The following CCDC91 variants were observed in gnomAD, a reference collection of about 807,000 sequenced individuals.
The protein encoded by CCDC91 is coiled-coil domain containing 91, also known as coiled-coil domain-containing protein 91.
CCDC91 carries 48 observed loss-of-function variants against 63.2 expected under a neutral mutation model. That is an observed-to-expected ratio of 0.76 (90% CI 0.60 to 0.97). The LOEUF (loss-of-function observed/expected upper bound fraction) is 0.97. Among genes scored for constraint, CCDC91 ranks in the 50% least tolerant of loss-of-function variants. CCDC91 has a pLI of 0.00. For missense variants in CCDC91, 500 were observed against 494.6 expected, an observed-to-expected ratio of 1.01 and a Z score of -0.10; for synonymous variants, 167 against 165.8, an observed-to-expected ratio of 1.01 and a Z score of -0.06.
intron 1 of CCDC91, among the ~76,000 whole-genome samples, chr12:28,219,308 T>C (rs1328938526): frequency 6.6e-6 from 1 of 152,152 alleles, no homozygotes; most frequent in East Asian, 1.9e-4. Context: ...TATTTATATG[T>C]AAGCTTTCTT....
At chr12:28,312,350 A>G (rs747853336) in intron 6 of CCDC91, among the ~76,000 whole-genome samples, 2 of 151,988 alleles carry the variant, frequency 1.3e-5, no homozygotes, top group Non-Finnish European at 2.9e-5. Context: ...GTGCATATTT[A>G]TGTGTATGTG....
chr12:28,413,848 A>T (rs1287922298), intron 8 of CCDC91, among the ~76,000 whole-genome samples: 1 of 152,244 alleles, frequency 6.6e-6, no homozygotes, highest in Non-Finnish European at 1.5e-5. Context: ...CCTGGACAGT[A>T]AACAAGGTTC....
At chr12:28,502,828 G>A (rs1365821203) in intron 12 of CCDC91, among the ~76,000 whole-genome samples, 1 of 146,148 alleles carries the variant, frequency 6.8e-6, no homozygotes, top group Non-Finnish European at 1.5e-5. Context: ...AACAAGCAAT[G>A]GGGAAAGGAT....
At chr12:28,523,735 G>A (rs1940977037) in intron 12 of CCDC91, among the ~76,000 whole-genome samples, 2 of 152,070 alleles carry the variant, frequency 1.3e-5, no homozygotes, top group Admixed American at 1.3e-4. Flanking sequence ...TCCAGGTTTA[G>A]TGCTTCCTTC....
chr12:28,215,741 G>GTGGA (rs1323767163), intron 1 of CCDC91, among the ~76,000 whole-genome samples: 1 of 152,118 alleles, frequency 6.6e-6, no homozygotes, highest in Non-Finnish European at 1.5e-5. Flanking sequence ...GACAGAAGCA[G>GTGGA]TGGATGTACA....
chr12:28,363,048 T>C (rs1944008518), intron 7 of CCDC91, among the ~76,000 whole-genome samples: 1 of 152,194 alleles, frequency 6.6e-6, no homozygotes, highest in African/African-American at 2.4e-5. Flanking sequence ...ACATTGAGCA[T>C]TTAATGTCAA....
intron 12 of CCDC91, among the ~76,000 whole-genome samples, chr12:28,520,498 A>G (rs1021996680): frequency 3.3e-5 from 5 of 152,046 alleles, no homozygotes; most frequent in Admixed American, 6.6e-5. Context: ...TAGATTGCAA[A>G]AATTTTCTCC....
rs1941962350 is a variant in CCDC91 at position 28,198,608 on chromosome 12, A to G, written c.-15+7967A>G. On this transcript the variant is annotated intron_variant, in intron 1 of 12. Transcript: ENST00000536442. The stretch of plus-strand genomic sequence containing the variant: ...TTTTCCATTTTGCTGAATGAGAAGA[A>G]TGTTTAATAAATGGTGATAGTTTTC... Among the ~76,000 whole-genome samples, 3 of 152,166 alleles carry G rather than the reference A, an allele frequency of 2.0e-5. No homozygotes were observed. The South Asian group carries it at 6.2e-4, about 32-fold the overall frequency.
intron 8 of CCDC91, among the ~76,000 whole-genome samples, chr12:28,411,276 C>CATTA (rs1947301224): frequency 6.6e-6 from 1 of 151,658 alleles, no homozygotes; most frequent in South Asian, 2.1e-4. Context: ...CTGCTCTTAC[C>CATTA]ATTAGCATTT....
intron 3 of CCDC91, among the ~76,000 whole-genome samples, chr12:28,280,726 C>G (rs1948549146): frequency 6.6e-6 from 1 of 151,844 alleles, no homozygotes; most frequent in South Asian, 2.1e-4. Context: ...TACTTGTAAT[C>G]TCAGCACTTT....
In CCDC91 at chr12:28,267,893, T is replaced by TA. The variant is rs1491386938; in HGVS notation, c.109+8452dup. On this transcript the variant is annotated intron_variant, in intron 3 of 12. Transcript: ENST00000536442. Reference sequence around the variant, plus strand: ...TATAATTATATATAATTATTATAATTATATATAATTATATTATATATAATT... The same window carrying TA: ...TATAATTATATATAATTATTATAATTAATATATAATTATATTATATATAATT... Among the ~76,000 whole-genome samples, 99 of 81,272 alleles carry TA rather than the reference T, an allele frequency of 1.2e-3. 5 individuals carry two copies. Among genetic ancestry groups the TA allele is most frequent in the African/African-American group, 4.4e-3 (95 of 21,492 alleles). The allele number at this position is 81,272 out of a possible 152,430, so 53.3% of individuals were successfully genotyped here. A position where few individuals can be genotyped will look rare whatever the true frequency, so the allele number is the denominator to read the frequency against.
At chr12:28,400,250 G>A (rs1382584612) in intron 8 of CCDC91, among the ~76,000 whole-genome samples, 1 of 152,194 alleles carries the variant, frequency 6.6e-6, no homozygotes, top group Admixed American at 6.5e-5. Context: ...ACCTTCTGAA[G>A]CAATAGCATG....
chr12:28,401,066 C>T (rs986965830), intron 8 of CCDC91, among the ~76,000 whole-genome samples: 6 of 152,164 alleles, frequency 3.9e-5, no homozygotes, highest in Admixed American at 3.9e-4. Flanking sequence ...TACTCAGTTC[C>T]AAAGTCACTT....
intron 6 of CCDC91, among the ~76,000 whole-genome samples, chr12:28,321,811 C>T (rs534325651): frequency 2.2e-4 from 34 of 151,562 alleles, no homozygotes; most frequent in Non-Finnish European, 4.1e-4. Context: ...TTATATTAGC[C>T]GAACAGTCTA....
intron 6 of CCDC91, among the ~76,000 whole-genome samples, chr12:28,329,601 G>A (rs1189360111): frequency 1.3e-5 from 2 of 151,910 alleles, no homozygotes; most frequent in Non-Finnish European, 2.9e-5. Context: ...CAGATATTAA[G>A]GACATTATTA....
intron 7 of CCDC91, among the ~76,000 whole-genome samples, chr12:28,364,766 A>C (rs145197318): frequency 3.3e-5 from 5 of 152,374 alleles, no homozygotes; most frequent in African/African-American, 1.2e-4. Flanking sequence ...ATGTAGGATC[A>C]GGAAGAAAAT....
chr12:28,363,240 T>C (rs1275022427), intron 7 of CCDC91, among the ~76,000 whole-genome samples: 1 of 152,102 alleles, frequency 6.6e-6, no homozygotes, highest in African/African-American at 2.4e-5. Context: ...TAAATGCTCA[T>C]AACAAGCTAT....
chr12:28,191,506 A>T (rs1159071670), intron 1 of CCDC91, among the ~76,000 whole-genome samples: 3 of 151,982 alleles, frequency 2.0e-5, no homozygotes, highest in Admixed American at 1.3e-4. Context: ...TACTGATGCC[A>T]CCTTTCTCTC....
intron 8 of CCDC91, among the ~76,000 whole-genome samples, chr12:28,422,948 T>G (rs1014861869): frequency 2.7e-5 from 4 of 150,884 alleles, no homozygotes; most frequent in Admixed American, 6.7e-5. Context: ...GTTGTTGTTG[T>G]TGGTGTTTGT....
Sources: allele counts gnomAD v4.1 joint callset (sites outside exome capture counted in the v4.1 genomes callset), GRCh38; gene constraint gnomAD v4.1.1; transcripts MANE v1.5; gene names NCBI Gene and HGNC (gene_info 2026-07-23, HGNC 2026-07-21).